The following FAT3 variants were observed in gnomAD, a reference collection of about 807,000 sequenced individuals.
The protein encoded by FAT3 is FAT atypical cadherin 3, also known as protocadherin Fat 3.
A neutral mutation model predicts 310.2 loss-of-function variants in FAT3; 95 were observed. The ratio of observed to expected loss-of-function variants is 0.31; its 90% CI spans 0.26 to 0.36. The LOEUF is 0.36. Ranked by LOEUF, FAT3 falls within the 10% of genes least tolerant of loss-of-function variation. FAT3 has a pLI of 1.00. For synonymous variants in FAT3, 2,314 were observed against 2,192.9 expected, an observed-to-expected ratio of 1.06 and a Z score of -1.54; for missense variants, 5,408 against 5,715.6, an observed-to-expected ratio of 0.95 and a Z score of 1.74.
chr11:92,518,371 A>T (rs1953562702), intron 2 of FAT3, among the ~76,000 whole-genome samples: 1 of 152,094 alleles, frequency 6.6e-6, no homozygotes, highest in African/African-American at 2.4e-5. Flanking sequence ...CAGAGATAGG[A>T]TGAAGCTGGA....
Position 92,524,693 on chromosome 11 carries a change from G to T in FAT3, c.3352G>T (p.Val1118Leu). The T allele has an allele frequency of 6.2e-7, 1 of 1,613,870 alleles. No individual in the cohort carries two copies. ...RETMGSYWLT[V>L]YATDRGVVPL... ...GACAATGGGGTCATACTGGCTAACA[G>T]TGTATGCCACAGACAGGGGCGTTGT... Residue 1118 changes from valine (V) to leucine (L), a missense_variant, in exon 3 of 28, where the codon GTG becomes TTG. By Grantham distance (32) the Val-to-Leu change is conservative. Coordinates refer to ENST00000525166, the MANE Select transcript of FAT3 (RefSeq NM_001367949.2).
chr11:92,448,856 G>A (rs751355087), intron 2 of FAT3, among the ~76,000 whole-genome samples: 26 of 152,110 alleles, frequency 1.7e-4, no homozygotes, highest in Non-Finnish European at 3.7e-4. Flanking sequence ...CTGCTGTTTG[G>A]TTTTTCATGC....
At chr11:92,848,013 C>T (rs918142352) in intron 19 of FAT3, among the ~76,000 whole-genome samples, 7 of 151,906 alleles carry the variant, frequency 4.6e-5, no homozygotes, top group Admixed American at 2.0e-4. Context: ...TCTAGGAGGT[C>T]GGCAGATTCA....
intron 3 of FAT3, among the ~76,000 whole-genome samples, chr11:92,568,276 A>G (rs1227327162): frequency 6.6e-6 from 1 of 152,134 alleles, no homozygotes; most frequent in Non-Finnish European, 1.5e-5. Flanking sequence ...AAGAATTTAA[A>G]TGTTACTGGT....
At position 92,805,244 on chromosome 11, in the gene FAT3, C is replaced by T. The variant is rs2136199425; in HGVS notation, c.8988C>T (p.Asp2996=). ...GGCCTCTAGACAGAGAAGAACAGGA[C>T]ATTTACTTTCTCAATATCACTGCCA... ...VKRPLDREEQ[D]IYFLNITATD... is the part of the protein sequence containing the mutation. Residue 2996 remains aspartate (D), a synonymous_variant, in exon 11 of 28, where the codon GAC becomes GAT. Transcript: ENST00000525166. 6.2e-7 allele frequency: 1 copy of T among 1,613,840 alleles called. No individual in the cohort carries two copies. The highest frequency in any genetic ancestry group is 1.1e-5 in the South Asian group (1 of 91,072).
intron 1 of FAT3, among the ~76,000 whole-genome samples, chr11:92,315,512 T>TAGAGAGAGAGAG (rs374021850): frequency 9.8e-4 from 55 of 56,174 alleles, no homozygotes; most frequent in Non-Finnish European, 1.2e-3. Flanking sequence ...TATATATATA[T>TAGAGAGAGAGAG]AGAGAGAGAG....
At chr11:92,339,785 G>A (rs551740077) in intron 1 of FAT3, among the ~76,000 whole-genome samples, 24 of 152,148 alleles carry the variant, frequency 1.6e-4, no homozygotes, top group African/African-American at 4.8e-4. Flanking sequence ...GGCCAGTGTC[G>A]CTGGAAAGCA....
rs369252160 is a variant in FAT3 at position 92,859,311 on chromosome 11, A to G, written c.11647A>G (p.Ile3883Val). 2.0e-4 allele frequency: 326 copies of G among 1,599,804 alleles called. No individual in the cohort carries two copies. The highest frequency in any genetic ancestry group is 2.7e-4 in the Non-Finnish European group (319 of 1,170,742). The change falls in exon 21 of 28, where the codon ATA becomes GTA. Residue 3883 changes from isoleucine (I) to valine (V), a missense_variant. Physicochemically the swap from Ile to Val is conservative, Grantham distance 29. This residue lies in a region of FAT3 where 4,588 missense variants were observed against 4,809.8 expected (regional missense o/e 0.95). Transcript: ENST00000525166. ...AATGTACACCAGAGCAAATCCCTGCATAATTCTGAAGGTAATTAAAATGGG... is the reference window on the plus strand; with the variant it reads ...AATGTACACCAGAGCAAATCCCTGCGTAATTCTGAAGGTAATTAAAATGGG... ...IIMYTRANPC[I>V]ILKIVDGKLW...
At chr11:92,681,055 T>C (rs1943468485) in intron 3 of FAT3, among the ~76,000 whole-genome samples, 1 of 152,258 alleles carries the variant, frequency 6.6e-6, no homozygotes, top group African/African-American at 2.4e-5. Context: ...GAAGTATTTT[T>C]TATATAGACA....
intron 2 of FAT3, among the ~76,000 whole-genome samples, chr11:92,476,007 T>A (rs1252822938): frequency 6.6e-6 from 1 of 152,046 alleles, no homozygotes; most frequent in East Asian, 1.9e-4. Context: ...AGAGATCACC[T>A]CCCTTTCAAG....
At chr11:92,367,982 A>G (rs1949072142) in intron 2 of FAT3, among the ~76,000 whole-genome samples, 1 of 152,254 alleles carries the variant, frequency 6.6e-6, no homozygotes, top group Non-Finnish European at 1.5e-5. Context: ...GAAGAACAAA[A>G]TTGTGTTTGT....
At chr11:92,431,028 T>G (rs1164949724) in intron 2 of FAT3, among the ~76,000 whole-genome samples, 1 of 152,186 alleles carries the variant, frequency 6.6e-6, no homozygotes, top group Non-Finnish European at 1.5e-5. Flanking sequence ...ATATACCCAG[T>G]AATGGGATTG....
intron 3 of FAT3, among the ~76,000 whole-genome samples, chr11:92,527,180 C>T (rs1038156099): frequency 2.0e-5 from 3 of 152,096 alleles, no homozygotes; most frequent in African/African-American, 7.2e-5. Flanking sequence ...TTGCTCTGTG[C>T]TTTCTAACTA....
intron 3 of FAT3, among the ~76,000 whole-genome samples, chr11:92,604,222 G>A (rs1387421607): frequency 6.6e-6 from 1 of 152,182 alleles, no homozygotes; most frequent in African/African-American, 2.4e-5. Context: ...AGCAAAATAT[G>A]CAAAAGGTGC....
chr11:92,650,291 C>G (rs578237375), intron 3 of FAT3, among the ~76,000 whole-genome samples: 2 of 152,228 alleles, frequency 1.3e-5, no homozygotes, highest in East Asian at 3.9e-4. Context: ...TCTTAACTTC[C>G]TGATGACATG....
intron 3 of FAT3, among the ~76,000 whole-genome samples, chr11:92,606,656 A>G (rs2135604251): frequency 6.6e-6 from 1 of 152,266 alleles, no homozygotes. Context: ...AGTCCTCACC[A>G]CTATTTTCTG....
chr11:92,632,479 A>G (rs1475179859), intron 3 of FAT3, among the ~76,000 whole-genome samples: 1 of 152,198 alleles, frequency 6.6e-6, no homozygotes, highest in East Asian at 1.9e-4. Flanking sequence ...CAACAACTGG[A>G]TAATCACCAC....
chr11:92,247,592 A>G (rs935309875), intron 1 of FAT3, among the ~76,000 whole-genome samples: 2 of 152,070 alleles, frequency 1.3e-5, no homozygotes, highest in Non-Finnish European at 2.9e-5. Flanking sequence ...TATAAAAGAG[A>G]GAGCAAGTCT....
intron 3 of FAT3, among the ~76,000 whole-genome samples, chr11:92,581,189 C>T (rs567312888): frequency 1.3e-5 from 2 of 152,156 alleles, no homozygotes; most frequent in African/African-American, 4.8e-5. Flanking sequence ...GGTTACAGAG[C>T]TTTGCTGTCC....
Sources: gnomAD v4.1 joint callset for allele counts (sites outside exome capture counted in the v4.1 genomes callset) on GRCh38, gnomAD v4.1.1 for gene constraint, gnomAD v4.1.1 regional missense constraint, MANE v1.5 for transcripts, NCBI Gene and HGNC (gene_info 2026-07-23, HGNC 2026-07-21) for gene names.